The following FGD4 variants were observed in gnomAD, a reference collection of about 807,000 sequenced individuals.
The protein encoded by FGD4 is FYVE, RhoGEF and PH domain containing 4.
Under a neutral mutation model 102.0 loss-of-function variants are expected in FGD4, and 42 were observed. That is an observed-to-expected ratio of 0.41 (90% CI 0.32 to 0.53). The LOEUF (loss-of-function observed/expected upper bound fraction) is 0.53, where lower values mean the gene tolerates loss of function less well. Ranked by LOEUF, FGD4 falls within the 20% of genes least tolerant of loss-of-function variation. FGD4 has a pLI of 0.21. For synonymous variants in FGD4, 380 were observed against 375.7 expected (o/e 1.01, Z -0.13); for missense variants, 902 against 1,078.2 (o/e 0.84, Z 2.29).
At chr12:32,490,405 T>TTC (rs995406815) in intron 1 of FGD4, among the ~76,000 whole-genome samples, 12 of 150,874 alleles carry the variant, frequency 8.0e-5, no homozygotes, top group African/African-American at 2.4e-4. Context: ...CAGTCTTTTT[T>TTC]TTTTTTTTTT....
chr12:32,516,110 G>T (rs1046670156), intron 1 of FGD4, among the ~76,000 whole-genome samples: 1 of 152,192 alleles, frequency 6.6e-6, no homozygotes, highest in African/African-American at 2.4e-5. Flanking sequence ...ACAACAATTG[G>T]GGGGTGGGGG....
intron 14 of FGD4, 28 bp downstream of exon 14, chr12:32,625,807 T>C (rs1331274774): frequency 1.2e-6 from 2 of 1,613,242 alleles, no homozygotes; most frequent in Non-Finnish European, 1.7e-6. Context: ...ATCATTAAGG[T>C]TGCTAGTAAC....
chr12:32,466,665 C>G (rs1175887918), intron 1 of FGD4, among the ~76,000 whole-genome samples: 1 of 151,842 alleles, frequency 6.6e-6, no homozygotes, highest in Non-Finnish European at 1.5e-5. Context: ...GCCAGGAGTT[C>G]GAAACCAGCC....
intron 1 of FGD4, among the ~76,000 whole-genome samples, chr12:32,405,184 C>A (rs1411133478): frequency 2.0e-5 from 3 of 151,762 alleles, no homozygotes; most frequent in Admixed American, 6.6e-5. Flanking sequence ...CCACCCGCCT[C>A]AGCCTCCCGA....
intron 11 of FGD4, among the ~76,000 whole-genome samples, 177 bp downstream of exon 11, chr12:32,620,047 T>C (rs1476447099): frequency 6.6e-6 from 1 of 152,202 alleles, no homozygotes; most frequent in East Asian, 1.9e-4. Context: ...CTCCCCTCTC[T>C]TGATTCCTCC....
chr12:32,437,128 A>G (rs1942258658), intron 1 of FGD4, among the ~76,000 whole-genome samples: 1 of 151,240 alleles, frequency 6.6e-6, no homozygotes, highest in Non-Finnish European at 1.5e-5. Flanking sequence ...AAAAAAAGGG[A>G]AAAAGAAAAC....
Position 32,526,550 on chromosome 12 carries a change from C to G in FGD4, c.167-37587C>G, listed in dbSNP as rs931141345. Among the ~76,000 whole-genome samples, 25 of 152,278 alleles carry G rather than the reference C, an allele frequency of 1.6e-4. No homozygotes were observed. In the East Asian group the frequency reaches 1.9e-3, roughly 12 times the overall value. ...CAGCGCCCTGACGAAACAGGCCACT[C>G]GGTCCTACCAATCAGCAGGATGTGG... On this transcript the variant is annotated intron_variant, in intron 1 of 16. Transcript: ENST00000534526.
At chr12:32,501,315 A>G (rs1938200290) in intron 1 of FGD4, among the ~76,000 whole-genome samples, 1 of 152,176 alleles carries the variant, frequency 6.6e-6, no homozygotes. Flanking sequence ...TATATTTTCT[A>G]GATTTATAGT....
intron 10 of FGD4, among the ~76,000 whole-genome samples, chr12:32,614,473 G>A (rs1592411759): frequency 6.6e-6 from 1 of 152,096 alleles, no homozygotes; most frequent in Admixed American, 6.5e-5. Context: ...TGACTTTCTC[G>A]AGGGCCAAAG....
intron 1 of FGD4, among the ~76,000 whole-genome samples, chr12:32,504,164 T>A (rs1201259572): frequency 2.0e-5 from 3 of 152,194 alleles, no homozygotes; most frequent in Non-Finnish European, 2.9e-5. Flanking sequence ...TCCAGAGTAA[T>A]AAGTAATAAA....
At chr12:32,499,297 A>G (rs1411255233) in intron 1 of FGD4, among the ~76,000 whole-genome samples, 1 of 152,142 alleles carries the variant, frequency 6.6e-6, no homozygotes, top group Non-Finnish European at 1.5e-5. Context: ...ATGCCCTACC[A>G]CTTAGGTTTC....
rs577447657 is a variant in FGD4, at chr12:32,616,888, A to G, written c.1750-2810A>G. Among the ~76,000 whole-genome samples the G allele has an allele frequency of 3.3e-5, 5 of 152,288 alleles. No homozygotes were observed. The East Asian group carries it at 9.6e-4, about 29-fold the overall frequency. On this transcript the variant is annotated intron_variant, in intron 10 of 16. Transcript: ENST00000534526. ...TAAAGAACAGGGGTTTATTTTCTGCAGTTCTGGAGGCTGGGAAGTCCAAGA... is the reference window on the plus strand; with the variant it reads ...TAAAGAACAGGGGTTTATTTTCTGCGGTTCTGGAGGCTGGGAAGTCCAAGA...
At chr12:32,547,531 T>C (rs947779598) in intron 1 of FGD4, among the ~76,000 whole-genome samples, 10 of 152,234 alleles carry the variant, frequency 6.6e-5, no homozygotes, top group Admixed American at 1.3e-4. Context: ...CTTTACATCA[T>C]AGTATTCTTG....
chr12:32,405,433 A>AT (rs1199272423), intron 1 of FGD4, among the ~76,000 whole-genome samples: 1 of 149,970 alleles, frequency 6.7e-6, no homozygotes, highest in Non-Finnish European at 1.5e-5. Flanking sequence ...CTAATTTTGT[A>AT]TTTTTAGTAG....
chr12:32,575,625 A>G (rs1946064825), intron 2 of FGD4, among the ~76,000 whole-genome samples: 1 of 152,226 alleles, frequency 6.6e-6, no homozygotes, highest in Admixed American at 6.5e-5. Flanking sequence ...CTGTTACCCC[A>G]GGTCAGTCAC....
Position 32,610,783 on chromosome 12 carries a change from T to G in FGD4, c.1551T>G (p.Leu517=). The G allele has an allele frequency of 6.2e-7, 1 of 1,613,276 alleles. No individual in the cohort carries two copies. The highest frequency in any genetic ancestry group is 2.2e-5 in the East Asian group (1 of 44,794). The change falls in exon 9 of 17, where the codon CTT becomes CTG. Residue 517 remains leucine, a synonymous_variant. Coordinates refer to ENST00000534526, the MANE Select transcript of FGD4 (RefSeq NM_001370298.3). Reference sequence around the variant, plus strand: ...TCTTTTTTTCCCATTTAGAATCACTTGAAATTATATCTACAGCAGCAAGCC... The same window carrying G: ...TCTTTTTTTCCCATTTAGAATCACTGGAAATTATATCTACAGCAGCAAGCC... The part of the protein sequence containing the change: ...SLDWNDAKKS[L]EIISTAASHS...
intron 1 of FGD4, among the ~76,000 whole-genome samples, chr12:32,417,940 C>T (rs1388224199): frequency 6.7e-6 from 1 of 148,522 alleles, no homozygotes; most frequent in African/African-American, 2.5e-5. Flanking sequence ...AGGAATGGTC[C>T]CTGGTGTCTT....
intron 1 of FGD4, among the ~76,000 whole-genome samples, chr12:32,520,447 T>G (rs79462367): frequency 0.14 from 20,828 of 149,740 alleles, 1,855 homozygotes; most frequent in African/African-American, 0.24. Context: ...TTTGTTTTTT[T>G]TTTTTAGAGA....
intron 2 of FGD4, among the ~76,000 whole-genome samples, chr12:32,565,715 G>A (rs1160201782): frequency 1.3e-5 from 2 of 152,172 alleles, no homozygotes; most frequent in African/African-American, 4.8e-5. Flanking sequence ...CCCTTTTTAA[G>A]TAGACAACAC....
Sources: allele counts gnomAD v4.1 joint callset (sites outside exome capture counted in the v4.1 genomes callset), GRCh38; gene constraint gnomAD v4.1.1; transcripts MANE v1.5; gene names NCBI Gene and HGNC (gene_info 2026-07-23, HGNC 2026-07-21).